COL5A1: variants seen among roughly 807,000 people sequenced by gnomAD.
COL5A1 encodes the protein collagen type V alpha 1 chain, also known as collagen alpha-1(V) chain.
In COL5A1, 16 loss-of-function variants were observed where a neutral mutation model predicts 263.7. The observed-to-expected ratio is 0.06, with a 90% CI of 0.04 to 0.09. COL5A1 has a LOEUF of 0.09. COL5A1 is among the 10% of genes least tolerant of loss of function. The pLI is 1.00. For synonymous variants in COL5A1, 1,012 were observed against 1,004.5 expected (o/e 1.01, Z -0.14); for missense variants, 2,036 against 2,540.5 (o/e 0.80, Z 4.27).
At position 134,838,523 on chromosome 9, in the gene COL5A1, G is replaced by A. The variant is rs145544395; in HGVS notation, c.5370+3319G>A. Among the ~76,000 whole-genome samples the A allele has an allele frequency of 4.7e-3, 710 of 152,298 alleles. 6 individuals are homozygous for A. Among genetic ancestry groups the A allele is most frequent in the Non-Finnish European group, 8.1e-3 (548 of 68,024 alleles). The stretch of plus-strand genomic sequence containing the variant: ...GCCACCTTCTCAGGCAGTCAGCAGC[G>A]TGGGTCTGGTTAGCCGCCCAGTGCT... On this transcript the variant is annotated intron_variant, in intron 65 of 65. Transcript: ENST00000371817.
intron 26 of COL5A1, 80 bp from the exon 27 acceptor site, chr9:134,774,779 C>A: frequency 6.9e-7 from 1 of 1,449,796 alleles, no homozygotes; most frequent in Non-Finnish European, 9.6e-7. Context: ...AGGGGTATGC[C>A]GAACTCTGGA....
rs754605773 is a variant in COL5A1 at position 134,652,926 on chromosome 9, C to T, written c.109+10630C>T. The T allele has an allele frequency of 6.1e-6, 2 of 325,612 alleles. No individual in the cohort carries two copies. Among genetic ancestry groups the T allele is most frequent in the Admixed American group, 4.0e-5 (1 of 24,722 alleles). The allele number at this position is 325,612 out of a possible 1,614,324, so 20.2% of individuals were successfully genotyped here. A position where few individuals can be genotyped will look rare whatever the true frequency, so the allele number is the denominator to read the frequency against. On this transcript the variant is annotated intron_variant, in intron 1 of 65. Transcript: ENST00000371817. The surrounding 1 kb of genome is among the most constrained non-coding windows in gnomAD (Gnocchi z 4.4). ...TCTAACGAAGTCAGTTCCCAGACCA[C>T]GCGGATGCTGGAGCGTCTGGGGGTG...
chr9:134,700,921 G>A lies in COL5A1; in HGVS notation c.492-250G>A, dbSNP rs1281121560. ...CCTTCCCCCTTTCACTTGGGCTCCC[G>A]GCTGGGCTTCCAGGGTTCAGACAGC... is the stretch of plus-strand genomic sequence containing the variant. On this transcript the variant is annotated intron_variant, in intron 3 of 65. Coordinates refer to ENST00000371817, the MANE Select transcript of COL5A1 (RefSeq NM_000093.5). This position sits in a 1 kb window ranked among gnomAD's most constrained non-coding sequence, Gnocchi z 4.0. 6.6e-6 allele frequency among the ~76,000 whole-genome samples: 1 copy of A among 152,146 alleles called. No homozygotes were observed. Among genetic ancestry groups the A allele is most frequent in the African/African-American group, 2.4e-5 (1 of 41,426 alleles).
chr9:134,753,766 G>GCCCCCC, intron 14 of COL5A1, 84 bp from the exon 15 acceptor site: 9 of 615,302 alleles, frequency 1.5e-5, no homozygotes, highest in Middle Eastern at 4.9e-4. Flanking sequence ...CCCTCCCCCT[G>GCCCCCC]CCCCTCCCCT....
intron 5 of COL5A1, 54 bp from the exon 6 acceptor site, chr9:134,728,616 C>T: frequency 6.2e-7 from 1 of 1,611,386 alleles, no homozygotes; most frequent in Non-Finnish European, 8.5e-7. Context: ...GGACAGCAGG[C>T]TGGTCGCTCT....
intron 34 of COL5A1, 122 bp from the exon 35 acceptor site, chr9:134,796,252 C>T (rs1479439464): frequency 1.7e-5 from 18 of 1,089,110 alleles, no homozygotes; most frequent in Non-Finnish European, 2.6e-5. Flanking sequence ...GGGTCAGGGC[C>T]ACCTTCAGGG....
chr9:134,738,725 C>T, intron 10 of COL5A1, 21 bp from the exon 11 acceptor site: 2 of 1,607,884 alleles, frequency 1.2e-6, no homozygotes, highest in Non-Finnish European at 1.7e-6. Flanking sequence ...CTAACTGCCC[C>T]AACTTTATTT....
At chr9:134,653,080 T>A (rs898412929) in intron 1 of COL5A1, 1 of 183,350 alleles carries the variant, frequency 5.5e-6, no homozygotes, top group African/African-American at 2.4e-5. Flanking sequence ...GAGAGGAGGG[T>A]GTGGCTGTTC....
rs2228560 is a variant in COL5A1 at position 134,820,151 on chromosome 9, G to T, written c.4482G>T (p.Pro1494=). The T allele has an allele frequency of 6.2e-6, 10 of 1,613,896 alleles. No individual in the cohort carries two copies. The highest frequency in any genetic ancestry group is 4.5e-5 in the East Asian group (2 of 44,866). The change falls in exon 58 of 66, where the codon CCG becomes CCT. Residue 1494 remains proline (P), a synonymous_variant. Coordinates refer to ENST00000371817, the MANE Select transcript of COL5A1 (RefSeq NM_000093.5). ...GCCTGATCGGGCTCATCGGTCCTCC[G>T]GGTGAACAGGGTGAGAAGGGCGACC... ...HPGLIGLIGP[P]GEQGEKGDRG... is the part of the protein sequence containing the mutation.
intron 1 of COL5A1, among the ~76,000 whole-genome samples, chr9:134,674,192 C>T (rs1402493373): frequency 6.6e-6 from 1 of 152,128 alleles, no homozygotes; most frequent in Non-Finnish European, 1.5e-5. Context: ...ATGAAACATG[C>T]GTCCATACAG....
At position 134,758,196 on chromosome 9, in the gene COL5A1, A is replaced by C. The variant is rs1437702904; in HGVS notation, c.1882-47A>C. 1.2e-6 allele frequency: 2 copies of C among 1,607,844 alleles called. No individual in the cohort carries two copies. The highest frequency in any genetic ancestry group is 3.3e-5 in the Admixed American group (2 of 60,004). The stretch of plus-strand genomic sequence containing the variant: ...TGGTGGACACCAAGGCGGGGTGTCC[A>C]CGTGTGCAGGGTGGCGTCTGAGGCA... On this transcript the variant is annotated intron_variant, in intron 17 of 65. Coordinates refer to ENST00000371817, the MANE Select transcript of COL5A1 (RefSeq NM_000093.5). The surrounding 1 kb of genome is among the most constrained non-coding windows in gnomAD (Gnocchi z 4.1).
intron 20 of COL5A1, among the ~76,000 whole-genome samples, chr9:134,764,109 G>GGT (rs1351215422): frequency 1.4e-5 from 2 of 142,554 alleles, no homozygotes; most frequent in Non-Finnish European, 3.1e-5. Context: ...GTCAGTGTGG[G>GGT]GTGTCCGAGG....
rs1263453541 is a variant in COL5A1, at chr9:134,759,778, CAT to C, written c.1935+1484_1935+1485del. Reference sequence around the variant, plus strand: ...ACACACACCCACGCACCCCCACACTCATACACACATGCACACACACCACACAT... The same window carrying C: ...ACACACACCCACGCACCCCCACACTCACACACATGCACACACACCACACAT... On this transcript the variant is annotated intron_variant, in intron 18 of 65. Coordinates refer to ENST00000371817, the MANE Select transcript of COL5A1 (RefSeq NM_000093.5). Among the ~76,000 whole-genome samples, 211 of 121,574 alleles carry C rather than the reference CAT, an allele frequency of 1.7e-3. 2 individuals carry two copies. Among genetic ancestry groups the C allele is most frequent in the African/African-American group, 6.2e-3 (197 of 31,552 alleles). The allele number at this position is 121,574 out of a possible 152,430, so 79.8% of individuals were successfully genotyped here.
At chr9:134,675,692 G>T (rs1298265546) in intron 1 of COL5A1, among the ~76,000 whole-genome samples, 1 of 152,188 alleles carries the variant, frequency 6.6e-6, no homozygotes, top group Non-Finnish European at 1.5e-5. Context: ...TTGGGGCTGG[G>T]GGATCCATTT....
intron 27 of COL5A1, among the ~76,000 whole-genome samples, chr9:134,775,280 C>T (rs931386472): frequency 3.3e-5 from 5 of 152,262 alleles, no homozygotes; most frequent in East Asian, 1.9e-4. Context: ...CAGCAGATCC[C>T]GGCTGAAGCC....
Position 134,818,128 on chromosome 9 carries a change from G to A in COL5A1, c.4230+297G>A, listed in dbSNP as rs1029575979. Reference sequence around the variant, plus strand: ...GTAGTTATGTCCCCCGGAGCCCTGCGACCTCATGCCTGGTCTTTGAGTCGG... The same window carrying A: ...GTAGTTATGTCCCCCGGAGCCCTGCAACCTCATGCCTGGTCTTTGAGTCGG... On this transcript the variant is annotated intron_variant, in intron 54 of 65. Transcript: ENST00000371817. This position sits in a 1 kb window ranked among gnomAD's most constrained non-coding sequence, Gnocchi z 6.0. 6.6e-6 allele frequency among the ~76,000 whole-genome samples: 1 copy of A among 152,194 alleles called. No individual in the cohort carries two copies. Among genetic ancestry groups the A allele is most frequent in the Non-Finnish European group, 1.5e-5 (1 of 68,024 alleles).
chr9:134,775,959 C>T (rs1228433354), intron 27 of COL5A1, among the ~76,000 whole-genome samples: 1 of 152,190 alleles, frequency 6.6e-6, no homozygotes, highest in Non-Finnish European at 1.5e-5. Context: ...GCTGGTCACC[C>T]CTCACCTGCT....
rs1210135853 is a variant in COL5A1, at chr9:134,730,290, G to A, written c.979G>A (p.Ala327Thr). ...AAPMPETSEG[A>T]GKEEDVGIGD... ...TCCCATGCCTGAAACCAGTGAAGGG[G>A]CTGGGAAGGAAGAGGACGTCGGCAT... Residue 327 changes from alanine (A) to threonine (T), a missense_variant, in exon 7 of 66, where the codon GCT (alanine) becomes ACT (threonine). Physicochemically the swap from Ala to Thr is moderately conservative, Grantham distance 58. Around this residue, in one of 3 missense-constraint regions of COL5A1, gnomAD observed 600 missense variants for 634.5 expected, o/e 0.95. Transcript: ENST00000371817. 5 of 1,614,204 alleles carry A rather than the reference G, an allele frequency of 3.1e-6. No homozygotes were observed. The highest frequency in any genetic ancestry group is 2.2e-5 in the South Asian group (2 of 91,090).
rs12554842 is a variant in COL5A1, at chr9:134,681,561, C to T, written c.110-9351C>T. On this transcript the variant is annotated intron_variant, in intron 1 of 65. Transcript: ENST00000371817. This position sits in a 1 kb window ranked among gnomAD's most constrained non-coding sequence, Gnocchi z 4.3. ...AGCGTGTGCCTGTGGTTTCGGGAGC[C>T]TGTCACTGGCTCCAGAGTGGAATAG... is the stretch of plus-strand genomic sequence containing the variant. Among the ~76,000 whole-genome samples, 16,774 of 152,188 alleles carry T rather than the reference C, an allele frequency of 0.11. 1,194 individuals are homozygous for T. The highest frequency in any genetic ancestry group is 0.16 in the Admixed American group (2,522 of 15,288).
Sources: gnomAD v4.1 joint callset for allele counts (sites outside exome capture counted in the v4.1 genomes callset) on GRCh38, gnomAD v4.1.1 for gene constraint, gnomAD v4.1.1 regional missense constraint, Gnocchi (gnomAD v3.1) non-coding constraint, MANE v1.5 for transcripts, NCBI Gene and HGNC (gene_info 2026-07-23, HGNC 2026-07-21) for gene names.